The following MACROD2 variants were observed in gnomAD, a reference collection of about 807,000 sequenced individuals.
MACROD2 encodes the protein mono-ADP ribosylhydrolase 2, also known as ADP-ribose glycohydrolase MACROD2.
In MACROD2, 36 loss-of-function variants were observed where a neutral mutation model predicts 70.4. That is an observed-to-expected ratio of 0.51 (90% CI 0.39 to 0.68). The LOEUF is 0.68. MACROD2 is among the 30% of genes least tolerant of loss of function. MACROD2 has a pLI of 0.00. For synonymous variants in MACROD2, 172 were observed against 178.8 expected (o/e 0.96, Z 0.30); for missense variants, 496 against 538.4 (o/e 0.92, Z 0.78).
intron 5 of MACROD2, among the ~76,000 whole-genome samples, chr20:15,151,136 G>C (rs2076266410): frequency 1.3e-5 from 2 of 152,100 alleles, no homozygotes; most frequent in Non-Finnish European, 2.9e-5. Flanking sequence ...CAGTCAGAGA[G>C]CCTTGGGCCA....
chr20:14,067,680 A>T (rs1434297962), intron 2 of MACROD2, among the ~76,000 whole-genome samples: 7 of 152,192 alleles, frequency 4.6e-5, no homozygotes, highest in Admixed American at 4.6e-4. Context: ...TAAAATGCAC[A>T]TTTTTAATGC....
At chr20:14,898,510 C>T (rs536554373) in intron 5 of MACROD2, among the ~76,000 whole-genome samples, 5 of 152,196 alleles carry the variant, frequency 3.3e-5, no homozygotes, top group African/African-American at 7.2e-5. Context: ...GGGCAGATCA[C>T]GAGGCCAGGA....
intron 6 of MACROD2, among the ~76,000 whole-genome samples, chr20:15,386,621 C>T (rs2045716764): frequency 1.3e-5 from 2 of 152,132 alleles, no homozygotes; most frequent in South Asian, 4.1e-4. Context: ...ATAGCTTAGC[C>T]AATAATTACA....
At chr20:14,754,274 G>A (rs1253789661) in intron 5 of MACROD2, among the ~76,000 whole-genome samples, 1 of 152,080 alleles carries the variant, frequency 6.6e-6, no homozygotes, top group Non-Finnish European at 1.5e-5. Context: ...TAAAAATGCA[G>A]TTATTTTCTC....
At chr20:15,535,122 G>T (rs891191851) in intron 8 of MACROD2, among the ~76,000 whole-genome samples, 3 of 152,056 alleles carry the variant, frequency 2.0e-5, no homozygotes, top group Admixed American at 1.3e-4. Context: ...ACAACAGGCA[G>T]GTGCCACTGT....
chr20:14,870,479 A>G (rs2073475265), intron 5 of MACROD2, among the ~76,000 whole-genome samples: 1 of 152,160 alleles, frequency 6.6e-6, no homozygotes, highest in Non-Finnish European at 1.5e-5. Context: ...CTGCTGAGTC[A>G]AAGGGAATTT....
chr20:14,866,134 C>A (rs987735688), intron 5 of MACROD2, among the ~76,000 whole-genome samples: 1 of 152,066 alleles, frequency 6.6e-6, no homozygotes, highest in Non-Finnish European at 1.5e-5. Flanking sequence ...GTGAATATAG[C>A]AACTGTCTCT....
chr20:14,948,274 G>T (rs1386304659), intron 5 of MACROD2, among the ~76,000 whole-genome samples: 3 of 152,178 alleles, frequency 2.0e-5, no homozygotes, highest in Middle Eastern at 6.4e-3. Flanking sequence ...TGGGAGTGGG[G>T]AATGGCTGTG....
chr20:15,797,010 G>C (rs1488614375), intron 8 of MACROD2, among the ~76,000 whole-genome samples: 1 of 152,206 alleles, frequency 6.6e-6, no homozygotes, highest in Non-Finnish European at 1.5e-5. Context: ...GTAGGAGTTT[G>C]TTGTCCTTGA....
chr20:14,331,442 T>G (rs2082837139), intron 3 of MACROD2, among the ~76,000 whole-genome samples: 1 of 152,132 alleles, frequency 6.6e-6, no homozygotes, highest in African/African-American at 2.4e-5. Flanking sequence ...ATAGTGGTAA[T>G]AATGTGGGAT....
intron 8 of MACROD2, among the ~76,000 whole-genome samples, chr20:15,581,238 G>C (rs773723475): frequency 6.6e-6 from 1 of 152,166 alleles, no homozygotes; most frequent in Non-Finnish European, 1.5e-5. Context: ...GACCTGACAA[G>C]AATATATTTG....
At chr20:15,663,767 C>A (rs151275421) in intron 8 of MACROD2, among the ~76,000 whole-genome samples, 7 of 152,252 alleles carry the variant, frequency 4.6e-5, no homozygotes, top group Non-Finnish European at 1.0e-4. Context: ...TATATAGGAA[C>A]AGAACAGAAC....
chr20:14,985,876 C>T (rs1028135242), intron 5 of MACROD2, among the ~76,000 whole-genome samples: 1 of 152,024 alleles, frequency 6.6e-6, no homozygotes, highest in African/African-American at 2.4e-5. Context: ...TGGCCTCAAA[C>T]AATCTTTTCA....
chr20:14,655,765 G>C (rs535772280), intron 4 of MACROD2, among the ~76,000 whole-genome samples: 1 of 152,260 alleles, frequency 6.6e-6, no homozygotes, highest in African/African-American at 2.4e-5. Flanking sequence ...TTAACTTCCT[G>C]TGATTCATCA....
intron 4 of MACROD2, among the ~76,000 whole-genome samples, chr20:14,499,578 A>C (rs1188471797): frequency 6.6e-6 from 1 of 152,026 alleles, no homozygotes; most frequent in Non-Finnish European, 1.5e-5. Context: ...GATCCTGGGC[A>C]CTGTGGGCGG....
chr20:14,131,315 A>G (rs1445073303), intron 3 of MACROD2, among the ~76,000 whole-genome samples: 1 of 151,848 alleles, frequency 6.6e-6, no homozygotes, highest in East Asian at 1.9e-4. Context: ...ATTTTTTTTT[A>G]TTTCTCTTAT....
At chr20:15,852,751 T>C (rs2064314101) in intron 8 of MACROD2, among the ~76,000 whole-genome samples, 1 of 152,218 alleles carries the variant, frequency 6.6e-6, no homozygotes, top group South Asian at 2.1e-4. Flanking sequence ...CAGAGCTGCT[T>C]ATATATACCA....
chr20:15,202,117 A>G (rs1336978566), intron 5 of MACROD2, among the ~76,000 whole-genome samples: 5 of 152,194 alleles, frequency 3.3e-5, no homozygotes, highest in Non-Finnish European at 7.4e-5. Flanking sequence ...CAGACGAACC[A>G]CTTATTCTTT....
At chr20:15,242,893 A>G (rs1247428206) in intron 6 of MACROD2, among the ~76,000 whole-genome samples, 2 of 152,198 alleles carry the variant, frequency 1.3e-5, no homozygotes, top group African/African-American at 4.8e-5. Flanking sequence ...TGTTTTTGCA[A>G]TCAATATCTG....
Sources: allele counts gnomAD v4.1 joint callset (sites outside exome capture counted in the v4.1 genomes callset), GRCh38; gene constraint gnomAD v4.1.1; transcripts MANE v1.5; gene names NCBI Gene and HGNC (gene_info 2026-07-23, HGNC 2026-07-21).